SUGCT: variants seen among roughly 807,000 people sequenced by gnomAD.
The protein encoded by SUGCT is succinyl-CoA:glutarate CoA-transferase.
Under a neutral mutation model 55.0 loss-of-function variants are expected in SUGCT, and 41 were observed. That is an observed-to-expected ratio of 0.74 (90% CI 0.58 to 0.97). SUGCT has a LOEUF of 0.97. SUGCT is among the 50% of genes least tolerant of loss of function. The pLI is 0.00. For synonymous variants in SUGCT, 187 were observed against 200.4 expected (o/e 0.93, Z 0.56); for missense variants, 568 against 547.8 (o/e 1.04, Z -0.37).
At chr7:40,834,295 C>G (rs569865113) in intron 13 of SUGCT, among the ~76,000 whole-genome samples, 1 of 152,072 alleles carries the variant, frequency 6.6e-6, no homozygotes, top group Non-Finnish European at 1.5e-5. Context: ...CAAAGACATA[C>G]GCTTGGACCC....
the SUGCT span, among the ~76,000 whole-genome samples, chr7:40,993,652 G>A: frequency 5.1e-4 from 77 of 152,234 alleles, no homozygotes; most frequent in African/African-American, 1.8e-3. Flanking sequence ...GTTTCCCATT[G>A]GCAAGCATTT....
At chr7:40,253,356 C>T (rs1283330013) in intron 7 of SUGCT, among the ~76,000 whole-genome samples, 1 of 152,184 alleles carries the variant, frequency 6.6e-6, no homozygotes, top group Non-Finnish European at 1.5e-5. Flanking sequence ...AGTTACTCTC[C>T]AGCTCCTTAT....
chr7:40,516,262 C>T (rs896546327), intron 12 of SUGCT, among the ~76,000 whole-genome samples: 2 of 152,096 alleles, frequency 1.3e-5, no homozygotes, highest in African/African-American at 2.4e-5. Flanking sequence ...AAATGTCTTG[C>T]AAATATTATC....
At chr7:40,864,970 C>CT (rs1486718368), downstream of SUGCT, among the ~76,000 whole-genome samples, 2 of 152,058 alleles carry the variant, frequency 1.3e-5, no homozygotes, top group Non-Finnish European at 2.9e-5. Flanking sequence ...AGGAAACTCT[C>CT]TCCTTTGCAA....
intron 6 of SUGCT, among the ~76,000 whole-genome samples, chr7:40,206,183 C>A (rs1213276649): frequency 6.6e-6 from 1 of 152,060 alleles, no homozygotes; most frequent in African/African-American, 2.4e-5. Context: ...GAATTGTTTC[C>A]CCTTATGGTA....
At chr7:40,937,623 G>A in the SUGCT span, among the ~76,000 whole-genome samples, 1 of 152,018 alleles carries the variant, frequency 6.6e-6, no homozygotes, top group Non-Finnish European at 1.5e-5. Flanking sequence ...TTGATAAATT[G>A]GCCCTTGTAT....
intron 12 of SUGCT, among the ~76,000 whole-genome samples, chr7:40,540,169 A>G (rs1403240781): frequency 6.6e-6 from 1 of 150,468 alleles, no homozygotes; most frequent in Non-Finnish European, 1.5e-5. Context: ...TCTTTTCAAT[A>G]CTTATTTTAT....
At chr7:40,659,792 T>C (rs1447350642) in intron 12 of SUGCT, among the ~76,000 whole-genome samples, 1 of 152,130 alleles carries the variant, frequency 6.6e-6, no homozygotes, top group African/African-American at 2.4e-5. Flanking sequence ...TGACTTGGGG[T>C]GAGGGACACC....
At chr7:40,576,423 A>G (rs1397929590) in intron 12 of SUGCT, among the ~76,000 whole-genome samples, 3 of 152,250 alleles carry the variant, frequency 2.0e-5, no homozygotes, top group Non-Finnish European at 4.4e-5. Flanking sequence ...TGGTTTGCTT[A>G]GAAGCTATTT....
At chr7:40,472,117 A>G (rs1790433354) in intron 11 of SUGCT, among the ~76,000 whole-genome samples, 1 of 152,144 alleles carries the variant, frequency 6.6e-6, no homozygotes, top group African/African-American at 2.4e-5. Context: ...CAATTGTTCA[A>G]TAGGCATATA....
chr7:40,712,494 G>A (rs949793957), intron 12 of SUGCT, among the ~76,000 whole-genome samples: 18 of 152,338 alleles, frequency 1.2e-4, no homozygotes, highest in African/African-American at 4.1e-4. Flanking sequence ...ACATAATGCA[G>A]TATGGAAGGA....
chr7:40,498,196 A>G (rs1434546429), intron 12 of SUGCT, among the ~76,000 whole-genome samples: 3 of 152,206 alleles, frequency 2.0e-5, no homozygotes, highest in Non-Finnish European at 2.9e-5. Context: ...GTCTCTACAA[A>G]CTGCCCTGTG....
chr7:40,453,241 A>G (rs751278219), intron 10 of SUGCT, among the ~76,000 whole-genome samples: 2 of 152,170 alleles, frequency 1.3e-5, no homozygotes, highest in Non-Finnish European at 2.9e-5. Context: ...AACTTTCTTC[A>G]TTGCTGAGCT....
the SUGCT span, among the ~76,000 whole-genome samples, chr7:40,896,915 A>G: frequency 1.3e-5 from 2 of 152,228 alleles, no homozygotes; most frequent in African/African-American, 4.8e-5. Flanking sequence ...ATCTCGAACA[A>G]AAAGAACAAA....
chr7:40,666,899 A>T (rs544453006), intron 12 of SUGCT, among the ~76,000 whole-genome samples: 34 of 152,278 alleles, frequency 2.2e-4, no homozygotes, highest in Admixed American at 1.7e-3. Flanking sequence ...GAGGCTGAGC[A>T]TGAGGATTGC....
intron 12 of SUGCT, among the ~76,000 whole-genome samples, chr7:40,649,436 C>T (rs1489797238): frequency 2.0e-5 from 3 of 151,976 alleles, no homozygotes; most frequent in African/African-American, 7.3e-5. Context: ...TGTAACTTGC[C>T]CTAAGTTACT....
chr7:40,456,016 TTTTA>T (rs202026664), intron 10 of SUGCT, among the ~76,000 whole-genome samples: 2 of 151,946 alleles, frequency 1.3e-5, no homozygotes, highest in African/African-American at 4.8e-5. Context: ...TATATTTATA[TTTTA>T]TTTATTTATT....
intron 2 of SUGCT, 54 bp from the exon 3 acceptor site, chr7:40,181,901 A>G (rs1785234577): frequency 9.0e-7 from 1 of 1,111,378 alleles, no homozygotes; most frequent in African/African-American, 1.6e-5. Context: ...AAAATAATTA[A>G]TATAAACATT....
chr7:40,368,548 G>A (rs1324466097), intron 9 of SUGCT, among the ~76,000 whole-genome samples: 1 of 152,086 alleles, frequency 6.6e-6, no homozygotes, highest in Non-Finnish European at 1.5e-5. Flanking sequence ...AAGCTGATAT[G>A]ATCACTGCAT....
Sources: allele counts gnomAD v4.1 joint callset (sites outside exome capture counted in the v4.1 genomes callset), GRCh38; gene constraint gnomAD v4.1.1; transcripts MANE v1.5; gene names NCBI Gene and HGNC (gene_info 2026-07-23, HGNC 2026-07-21).